The following VPS35L variants were observed in gnomAD, a reference collection of about 807,000 sequenced individuals.
VPS35L encodes VPS35 endosomal protein-sorting factor-like.
In VPS35L, 83 loss-of-function variants were observed where a neutral mutation model predicts 133.0. The ratio of observed to expected loss-of-function variants is 0.62; its 90% confidence interval spans 0.52 to 0.75. The LOEUF is 0.75. Ranked by LOEUF, VPS35L falls within the 30% of genes least tolerant of loss-of-function variation. VPS35L has a pLI of 0.00. For missense variants in VPS35L, 1,083 were observed against 1,206.8 expected (o/e 0.90, Z 1.52); for synonymous variants, 423 against 449.9 (o/e 0.94, Z 0.76).
At chr16:19,577,718 T>C (rs1007392271) in intron 5 of VPS35L, among the ~76,000 whole-genome samples, 2 of 151,762 alleles carry the variant, frequency 1.3e-5, no homozygotes, top group African/African-American at 4.8e-5. Flanking sequence ...GGTGATTAGG[T>C]CATGAGGGTG....
At chr16:19,694,549 G>GCA (rs1975835024) in intron 29 of VPS35L, 1 of 151,788 alleles carries the variant, frequency 6.6e-6, no homozygotes, top group South Asian at 2.1e-4. Flanking sequence ...GAGTACAGTG[G>GCA]CACTACCTTA....
At chr16:19,556,532 G>A (rs1970862362) in intron 1 of VPS35L, among the ~76,000 whole-genome samples, 1 of 152,208 alleles carries the variant, frequency 6.6e-6, no homozygotes, top group Non-Finnish European at 1.5e-5. Flanking sequence ...AGAACTTGAG[G>A]AAGTTGTGTT....
intron 18 of VPS35L, among the ~76,000 whole-genome samples, chr16:19,631,286 T>C (rs1973448560): frequency 6.6e-6 from 1 of 152,076 alleles, no homozygotes; most frequent in Non-Finnish European, 1.5e-5. Flanking sequence ...GCTCAATGAA[T>C]TTTCACAAGG....
Position 19,616,128 on chromosome 16 carries a change from G to A in VPS35L, c.1038G>A (p.Val346=), listed in dbSNP as rs776437180. 1.2e-6 allele frequency: 2 copies of A among 1,613,122 alleles called. No individual in the cohort carries two copies. Among genetic ancestry groups the A allele is most frequent in the South Asian group, 1.1e-5 (1 of 90,970 alleles). The part of the protein sequence containing the change: ...RAYLCRVGME[V]APHLKETLNK... ...TCTGGCTGCAGGTGGGAATGGAAGT[G>A]GCCCCACATCTCAAAGAAACCCTAA... Residue 346 remains valine, a synonymous_variant, in exon 13 of 31, where the codon GTG becomes GTA. Transcript: ENST00000417362.
intron 5 of VPS35L, among the ~76,000 whole-genome samples, chr16:19,576,420 C>G (rs1486010475): frequency 6.6e-6 from 1 of 152,192 alleles, no homozygotes; most frequent in Non-Finnish European, 1.5e-5. Context: ...CTAAGACACA[C>G]AGTCAGAAGC....
At chr16:19,597,354 A>T (rs1972248658) in intron 8 of VPS35L, among the ~76,000 whole-genome samples, 1 of 146,832 alleles carries the variant, frequency 6.8e-6, no homozygotes, top group African/African-American at 2.6e-5. Flanking sequence ...CAAAAGTAAG[A>T]CCCTGTCTCA....
chr16:19,567,398 G>A (rs1971222595), intron 2 of VPS35L, among the ~76,000 whole-genome samples: 1 of 152,212 alleles, frequency 6.6e-6, no homozygotes, highest in Non-Finnish European at 1.5e-5. Flanking sequence ...ATAGATTGGG[G>A]TAGGTCTAAT....
intron 1 of VPS35L, among the ~76,000 whole-genome samples, chr16:19,556,253 G>A (rs182508137): frequency 1.8e-3 from 267 of 152,350 alleles, no homozygotes; most frequent in Admixed American, 5.1e-3. Context: ...GGAGCTGACA[G>A]TATAATGGGG....
intron 1 of VPS35L, among the ~76,000 whole-genome samples, chr16:19,559,194 A>T (rs897041136): frequency 4.6e-5 from 7 of 152,222 alleles, no homozygotes; most frequent in African/African-American, 9.6e-5. Flanking sequence ...GAGGTAAATA[A>T]TTTAAAAATA....
chr16:19,639,092 A>T lies in VPS35L; in HGVS notation c.1699-923A>T, dbSNP rs1020690340. On this transcript the variant is annotated intron_variant, in intron 20 of 30. Transcript: ENST00000417362. The surrounding 1 kb of genome is among the most constrained non-coding windows in gnomAD (Gnocchi z 4.1). ...CTGTTTCAAACAAATAAAATGCAATAAAAATAAAAATGAAAATGAATGAAG... is the reference window on the plus strand; with the variant it reads ...CTGTTTCAAACAAATAAAATGCAATTAAAATAAAAATGAAAATGAATGAAG... Among the ~76,000 whole-genome samples the T allele has an allele frequency of 1.3e-5, 2 of 152,286 alleles. No homozygotes were observed. The highest frequency in any genetic ancestry group is 3.9e-4 in the East Asian group (2 of 5,190).
Position 19,616,126 on chromosome 16 carries a change from G to C in VPS35L, c.1036G>C (p.Val346Leu). 6.2e-7 allele frequency: 1 copy of C among 1,613,220 alleles called. No homozygotes were observed. The change falls in exon 13 of 31, where the codon GTG becomes CTG. Residue 346 changes from valine (V) to leucine (L), a missense_variant. By Grantham distance (32) the Val-to-Leu change is conservative. Coordinates refer to ENST00000417362, the MANE Select transcript of VPS35L (RefSeq NM_020314.7). Reference sequence around the variant, plus strand: ...TGTCTGGCTGCAGGTGGGAATGGAAGTGGCCCCACATCTCAAAGAAACCCT... The same window carrying C: ...TGTCTGGCTGCAGGTGGGAATGGAACTGGCCCCACATCTCAAAGAAACCCT... Reference protein sequence around the residue: ...RAYLCRVGMEVAPHLKETLNK... With the variant: ...RAYLCRVGMELAPHLKETLNK...
At chr16:19,643,929 G>C (rs1973861888) in intron 22 of VPS35L, among the ~76,000 whole-genome samples, 1 of 152,076 alleles carries the variant, frequency 6.6e-6, no homozygotes. Flanking sequence ...TTGCACTCCA[G>C]CCTGGGCAAC....
At chr16:19,684,934 T>A (rs1975406482) in intron 28 of VPS35L, among the ~76,000 whole-genome samples, 1 of 151,884 alleles carries the variant, frequency 6.6e-6, no homozygotes, top group Non-Finnish European at 1.5e-5. Context: ...GGCAAGCGCC[T>A]ATAATCCCAG....
intron 25 of VPS35L, 23 bp from the exon 26 acceptor site, chr16:19,651,953 T>C (rs1974141751): frequency 6.6e-7 from 1 of 1,521,606 alleles, no homozygotes; most frequent in African/African-American, 1.4e-5. Flanking sequence ...CTGCTAGCGT[T>C]AATGTTTCTT....
At chr16:19,652,351 A>C (rs1974159619) in intron 26 of VPS35L, 1 of 309,822 alleles carries the variant, frequency 3.2e-6, no homozygotes, top group Non-Finnish European at 6.1e-6. Flanking sequence ...TTTATTTTTT[A>C]TAGAGATGGA....
chr16:19,674,955 C>CT (rs566657093), intron 27 of VPS35L, among the ~76,000 whole-genome samples: 5,592 of 142,774 alleles, frequency 0.039, 325 homozygotes, highest in African/African-American at 0.13. Context: ...TCTTTTCTTT[C>CT]TTTTTTTTTT....
At chr16:19,644,309 T>G (rs1430882982) in intron 22 of VPS35L, among the ~76,000 whole-genome samples, 2 of 152,220 alleles carry the variant, frequency 1.3e-5, no homozygotes, top group Non-Finnish European at 2.9e-5. Context: ...TGGATAATTA[T>G]GTGTAAAACA....
chr16:19,615,092 T>G (rs1334054266), intron 12 of VPS35L, among the ~76,000 whole-genome samples: 1 of 152,236 alleles, frequency 6.6e-6, no homozygotes, highest in Non-Finnish European at 1.5e-5. Context: ...CATCTGGAAT[T>G]CAAGCTGACT....
intron 12 of VPS35L, 96 bp downstream of exon 12, chr16:19,610,511 A>AATGAC: frequency 1.2e-6 from 1 of 846,504 alleles, no homozygotes; most frequent in Non-Finnish European, 1.8e-6. Context: ...CCCGCAAGTC[A>AATGAC]TTGAGAGAAG....
Sources: gnomAD v4.1 joint callset for allele counts (sites outside exome capture counted in the v4.1 genomes callset) on GRCh38, gnomAD v4.1.1 for gene constraint, Gnocchi (gnomAD v3.1) non-coding constraint, MANE v1.5 for transcripts, NCBI Gene and HGNC (gene_info 2026-07-23, HGNC 2026-07-21) for gene names.